Variants in WWOX observed in about 807,000 individuals in gnomAD.
WWOX encodes the protein WW domain-containing oxidoreductase.
In WWOX, 69 loss-of-function variants were observed where a neutral mutation model predicts 46.2. The observed-to-expected ratio is 1.49, with a 90% CI of 1.23 to 1.82. The LOEUF is 1.82. Among genes scored for constraint, WWOX ranks in the 40% most tolerant of loss-of-function variants. WWOX has a pLI of 0.00. For synonymous variants in WWOX, 359 were observed against 202.6 expected, an observed-to-expected ratio of 1.77 and a Z score of -6.56; for missense variants, 919 against 542.6, an observed-to-expected ratio of 1.69 and a Z score of -6.89.
intron 5 of WWOX, among the ~76,000 whole-genome samples, chr16:78,201,240 C>T (rs965019411): frequency 1.3e-5 from 2 of 152,112 alleles, no homozygotes; most frequent in Non-Finnish European, 1.5e-5. Flanking sequence ...AAATGATTGT[C>T]TGTTAAGACA....
intron 8 of WWOX, among the ~76,000 whole-genome samples, chr16:78,984,247 G>A (rs1193429960): frequency 6.6e-6 from 1 of 152,120 alleles, no homozygotes; most frequent in Non-Finnish European, 1.5e-5. Flanking sequence ...CCCTGTACAT[G>A]TTTGCCAAGA....
chr16:78,478,740 A>G (rs1406463391), intron 8 of WWOX, among the ~76,000 whole-genome samples: 5 of 152,204 alleles, frequency 3.3e-5, no homozygotes, highest in East Asian at 1.9e-4. Context: ...ATGAATATGC[A>G]TACAGTATGT....
At chr16:78,420,673 TAAA>T (rs1031613242) in intron 6 of WWOX, among the ~76,000 whole-genome samples, 5 of 150,822 alleles carry the variant, frequency 3.3e-5, no homozygotes, top group Non-Finnish European at 5.9e-5. Context: ...TTTTTTGAGT[TAAA>T]AAAGTGCTAT....
chr16:79,209,301 C>G (rs1230144791), intron 8 of WWOX, among the ~76,000 whole-genome samples: 1 of 152,204 alleles, frequency 6.6e-6, no homozygotes, highest in African/African-American at 2.4e-5. Flanking sequence ...TGCAGAATTT[C>G]TTAGCAAAAA....
chr16:78,326,113 C>G (rs560131942), intron 5 of WWOX, among the ~76,000 whole-genome samples: 1 of 152,258 alleles, frequency 6.6e-6, no homozygotes, highest in Non-Finnish European at 1.5e-5. Flanking sequence ...CTCCAGAAGT[C>G]CAGGGCTCTT....
At chr16:78,645,114 A>G (rs1463106352) in intron 8 of WWOX, among the ~76,000 whole-genome samples, 1 of 152,130 alleles carries the variant, frequency 6.6e-6, no homozygotes, top group African/African-American at 2.4e-5. Context: ...TATACAATCT[A>G]GTTACAATGG....
chr16:78,825,832 G>A (rs1490948210), intron 8 of WWOX: 2 of 607,872 alleles, frequency 3.3e-6, no homozygotes, highest in Admixed American at 2.3e-5. Context: ...GCATCAAGGT[G>A]AAGGTCATGC....
chr16:78,243,736 A>ATG (rs2151821929), intron 5 of WWOX, among the ~76,000 whole-genome samples: 1 of 152,212 alleles, frequency 6.6e-6, no homozygotes, highest in South Asian at 2.1e-4. Flanking sequence ...GCGTAGAGGC[A>ATG]GTGTTTCTCC....
chr16:78,274,085 A>G (rs1315612728), intron 5 of WWOX, among the ~76,000 whole-genome samples: 1 of 152,174 alleles, frequency 6.6e-6, no homozygotes, highest in African/African-American at 2.4e-5. Context: ...CAAAACCTCA[A>G]TAGATTCTCC....
At chr16:78,674,725 G>T (rs1259341012) in intron 8 of WWOX, among the ~76,000 whole-genome samples, 1 of 152,122 alleles carries the variant, frequency 6.6e-6, no homozygotes, top group Non-Finnish European at 1.5e-5. Context: ...AGAACAAATG[G>T]AGAATCTTTC....
intron 8 of WWOX, among the ~76,000 whole-genome samples, chr16:78,787,444 C>T (rs1360952653): frequency 1.3e-5 from 2 of 152,164 alleles, no homozygotes; most frequent in Admixed American, 6.5e-5. Context: ...TGTCTGGCTT[C>T]TTGCTTTTAG....
At chr16:78,947,208 A>G (rs1450082812) in intron 8 of WWOX, among the ~76,000 whole-genome samples, 2 of 152,126 alleles carry the variant, frequency 1.3e-5, no homozygotes, top group Admixed American at 6.5e-5. Context: ...ATAAATTAGG[A>G]TAATCCAACT....
chr16:78,424,188 G>A (rs1216294556), intron 6 of WWOX, among the ~76,000 whole-genome samples: 1 of 137,638 alleles, frequency 7.3e-6, no homozygotes, highest in Non-Finnish European at 1.5e-5. Flanking sequence ...CATGATCTTA[G>A]CTCACTGCAA....
intron 5 of WWOX, among the ~76,000 whole-genome samples, chr16:78,287,497 C>T (rs1264177276): frequency 6.6e-6 from 1 of 152,122 alleles, no homozygotes; most frequent in Non-Finnish European, 1.5e-5. Context: ...ATTGTGTTAT[C>T]GTCATCAAGC....
intron 8 of WWOX, among the ~76,000 whole-genome samples, chr16:78,841,791 T>A (rs557555244): frequency 6.6e-6 from 1 of 152,226 alleles, no homozygotes; most frequent in South Asian, 2.1e-4. Flanking sequence ...AAAAAATTTA[T>A]GACATATTAC....
intron 8 of WWOX, among the ~76,000 whole-genome samples, chr16:78,887,443 G>T (rs376138011): frequency 2.7e-5 from 4 of 145,768 alleles, no homozygotes; most frequent in African/African-American, 1.0e-4. Flanking sequence ...AGGTGGGAAG[G>T]CAATGAAGGC....
At chr16:78,872,198 G>T (rs2044143773) in intron 8 of WWOX, among the ~76,000 whole-genome samples, 1 of 152,172 alleles carries the variant, frequency 6.6e-6, no homozygotes, top group Non-Finnish European at 1.5e-5. Flanking sequence ...ATAGAACCAG[G>T]CTGCCTGGAT....
At chr16:79,014,759 C>G (rs957717059) in intron 8 of WWOX, among the ~76,000 whole-genome samples, 1 of 152,126 alleles carries the variant, frequency 6.6e-6, no homozygotes, top group South Asian at 2.1e-4. Flanking sequence ...TAAGTGGATT[C>G]GAGTTAGTTT....
chr16:78,264,006 TTTTTTTTTTG>T lies in WWOX; in HGVS notation c.516+99725_516+99734del, dbSNP rs1450957278. Among the ~76,000 whole-genome samples, 20 of 139,184 alleles carry T rather than the reference TTTTTTTTTTG, an allele frequency of 1.4e-4. No homozygotes were observed. The South Asian group carries it at 1.7e-3, about 12-fold the overall frequency. The allele number at this position is 139,184 out of a possible 152,430, so 91.3% of individuals were successfully genotyped here. On this transcript the variant is annotated intron_variant, in intron 5 of 8. Transcript: ENST00000566780. ...GTTTGGCTGTGAAATCTTTTTTTTT[TTTTTTTTTTG>T]TTTTTTTGCTGTGGAGCGCAAAATG...
Sources: gnomAD v4.1 joint callset for allele counts (sites outside exome capture counted in the v4.1 genomes callset) on GRCh38, gnomAD v4.1.1 for gene constraint, MANE v1.5 for transcripts, NCBI Gene and HGNC (gene_info 2026-07-23, HGNC 2026-07-21) for gene names.